CNTNAP5: variants seen among roughly 807,000 people sequenced by gnomAD.
The protein encoded by CNTNAP5 is contactin associated protein family member 5.
A neutral mutation model predicts 150.2 loss-of-function variants in CNTNAP5; 72 were observed. The ratio of observed to expected loss-of-function variants is 0.48; its 90% CI spans 0.40 to 0.58. CNTNAP5 has a LOEUF of 0.58. CNTNAP5 is among the 20% of genes least tolerant of loss of function. CNTNAP5 has a pLI of 0.00. For missense variants in CNTNAP5, 1,636 were observed against 1,626.2 expected (o/e 1.01, Z -0.10); for synonymous variants, 672 against 619.8 (o/e 1.08, Z -1.25).
chr2:124,490,831 C>T (rs1558925070), intron 7 of CNTNAP5, among the ~76,000 whole-genome samples: 1 of 151,720 alleles, frequency 6.6e-6, no homozygotes, highest in Non-Finnish European at 1.5e-5. Flanking sequence ...TTAAATAACC[C>T]TGTATTAAAA....
intron 4 of CNTNAP5, among the ~76,000 whole-genome samples, chr2:124,421,572 G>A (rs1239796195): frequency 6.6e-6 from 1 of 152,176 alleles, no homozygotes; most frequent in Admixed American, 6.5e-5. Flanking sequence ...GAGTTGTTAA[G>A]TAGCCTCCTG....
intron 1 of CNTNAP5, among the ~76,000 whole-genome samples, chr2:124,165,881 G>A (rs528301042): frequency 6.8e-4 from 103 of 152,236 alleles, no homozygotes; most frequent in African/African-American, 2.4e-3. Context: ...TACATGGAGC[G>A]GCGCAGTGAC....
intron 13 of CNTNAP5, among the ~76,000 whole-genome samples, chr2:124,653,554 C>T (rs1217984337): frequency 6.6e-6 from 1 of 152,034 alleles, no homozygotes; most frequent in Non-Finnish European, 1.5e-5. Context: ...TCTGTAAATA[C>T]ACTTGTGCAT....
At chr2:124,763,637 T>C (rs973961104) in intron 14 of CNTNAP5, 35 bp from the exon 15 acceptor site, 1 of 1,593,534 alleles carries the variant, frequency 6.3e-7, no homozygotes, top group Non-Finnish European at 8.6e-7. Flanking sequence ...TATCCACATT[T>C]TGTCCTCTTT....
intron 3 of CNTNAP5, among the ~76,000 whole-genome samples, chr2:124,381,820 TC>T (rs1216952622): frequency 3.9e-5 from 6 of 152,026 alleles, no homozygotes; most frequent in African/African-American, 1.4e-4. Flanking sequence ...TAGGGAAAGA[TC>T]TTCCTGTGGT....
At chr2:124,608,401 C>G (rs1677301328) in intron 11 of CNTNAP5, among the ~76,000 whole-genome samples, 1 of 152,102 alleles carries the variant, frequency 6.6e-6, no homozygotes, top group Non-Finnish European at 1.5e-5. Context: ...GCAGATTTAT[C>G]AAAGCTCCCT....
chr2:124,174,657 G>A (rs1184399018), intron 1 of CNTNAP5, among the ~76,000 whole-genome samples: 2 of 152,172 alleles, frequency 1.3e-5, no homozygotes, highest in African/African-American at 4.8e-5. Flanking sequence ...GCTTGAGATG[G>A]CATCCACTCC....
chr2:124,870,869 A>G (rs1173990655), intron 21 of CNTNAP5, among the ~76,000 whole-genome samples: 1 of 152,042 alleles, frequency 6.6e-6, no homozygotes, highest in Non-Finnish European at 1.5e-5. Context: ...TTGCCAGTAG[A>G]AAGAGCTGAA....
chr2:124,097,756 C>G (rs1345062276), intron 1 of CNTNAP5, among the ~76,000 whole-genome samples: 1 of 152,240 alleles, frequency 6.6e-6, no homozygotes, highest in Admixed American at 6.5e-5. Flanking sequence ...CGGCCAGGCG[C>G]AGTGGCTCAC....
At chr2:124,506,363 C>G (rs1320623616) in intron 8 of CNTNAP5, among the ~76,000 whole-genome samples, 1 of 152,110 alleles carries the variant, frequency 6.6e-6, no homozygotes, top group Non-Finnish European at 1.5e-5. Flanking sequence ...AAACAATTGC[C>G]TGGAGCATGG....
At chr2:124,121,598 G>T (rs995504712) in intron 1 of CNTNAP5, among the ~76,000 whole-genome samples, 11 of 152,144 alleles carry the variant, frequency 7.2e-5, no homozygotes, top group African/African-American at 2.7e-4. Flanking sequence ...AATAGCAAAT[G>T]TCGCTGTGGT....
chr2:124,340,887 CAT>C (rs1031824749), intron 3 of CNTNAP5, among the ~76,000 whole-genome samples: 17 of 141,996 alleles, frequency 1.2e-4, no homozygotes, highest in Admixed American at 3.6e-4. Flanking sequence ...TATATATATA[CAT>C]ATATATATAT....
chr2:124,495,990 C>A (rs986226939), intron 7 of CNTNAP5, among the ~76,000 whole-genome samples: 5 of 152,018 alleles, frequency 3.3e-5, no homozygotes, highest in African/African-American at 1.2e-4. Flanking sequence ...TTGGTCATAG[C>A]TGTGATGACA....
intron 13 of CNTNAP5, among the ~76,000 whole-genome samples, chr2:124,650,968 G>C (rs751305601): frequency 6.6e-6 from 1 of 152,104 alleles, no homozygotes; most frequent in Non-Finnish European, 1.5e-5. Flanking sequence ...GCAGGGCAGC[G>C]AGTATGCATA....
At chr2:124,605,116 G>C (rs1485153789) in intron 11 of CNTNAP5, among the ~76,000 whole-genome samples, 1 of 152,146 alleles carries the variant, frequency 6.6e-6, no homozygotes, top group South Asian at 2.1e-4. Flanking sequence ...CTGCTACAGT[G>C]TGAGAGGCCA....
chr2:124,364,417 T>G (rs901484650), intron 3 of CNTNAP5, among the ~76,000 whole-genome samples: 1 of 152,150 alleles, frequency 6.6e-6, no homozygotes, highest in African/African-American at 2.4e-5. Flanking sequence ...TTCCTAACCC[T>G]GCTCACCTTT....
At chr2:124,865,496 T>C in intron 20 of CNTNAP5, 60 bp downstream of exon 20, 5 of 1,484,814 alleles carry the variant, frequency 3.4e-6, no homozygotes, top group Non-Finnish European at 4.6e-6. Flanking sequence ...ATCAAACTTT[T>C]CTAAGCTTCT....
rs369688023 is a variant in CNTNAP5, at chr2:124,747,272, G to T, written c.2121G>T (p.Arg707Ser). The stretch of plus-strand genomic sequence containing the variant: ...GGTGGATTGGGCGGTCCAATGAAAG[G>T]CACCCTTACTGGGGAGGTTCCCCTC... ...FTWWIGRSNE[R>S]HPYWGGSPPG... Residue 707 changes from arginine (R) to serine (S), a missense_variant, in exon 14 of 24, where the codon AGG becomes AGT. By Grantham distance (110) the Arg-to-Ser change is moderately radical (BLOSUM62 -1). Transcript: ENST00000682447. The T allele has an allele frequency of 7.4e-6, 12 of 1,613,688 alleles. No individual in the cohort carries two copies. The highest frequency in any genetic ancestry group is 1.3e-5 in the African/African-American group (1 of 75,056).
chr2:124,191,702 G>C (rs564735924), intron 1 of CNTNAP5, among the ~76,000 whole-genome samples: 3 of 152,008 alleles, frequency 2.0e-5, no homozygotes, highest in Admixed American at 6.5e-5. Flanking sequence ...GATCACCTGA[G>C]GTCAGGAGTT....
Sources: gnomAD v4.1 joint callset for allele counts (sites outside exome capture counted in the v4.1 genomes callset) on GRCh38, gnomAD v4.1.1 for gene constraint, MANE v1.5 for transcripts, NCBI Gene and HGNC (gene_info 2026-07-23, HGNC 2026-07-21) for gene names.